The following KLRG2 variants were observed in gnomAD, a reference collection of about 807,000 sequenced individuals.
KLRG2 encodes the protein killer cell lectin like receptor G2.
A neutral mutation model predicts 35.4 loss-of-function variants in KLRG2; 39 were observed. That is an observed-to-expected ratio of 1.10 (90% CI 0.85 to 1.44). KLRG2 has a LOEUF of 1.44. Among genes scored for constraint, KLRG2 ranks in the 40% most tolerant of loss-of-function variants. The pLI is 0.00. For missense variants in KLRG2, 632 were observed against 570.9 expected (o/e 1.11, Z -1.09); for synonymous variants, 283 against 265.8 (o/e 1.06, Z -0.63).
chr7:139,466,749 A>ATAAATAAAT (rs1180940220), intron 3 of KLRG2, among the ~76,000 whole-genome samples: 10 of 147,774 alleles, frequency 6.8e-5, no homozygotes, highest in African/African-American at 2.3e-4. Context: ...ATAAAATAAA[A>ATAAATAAAT]AAAATAAAAA....
Position 139,483,548 on chromosome 7 carries a change from G to A in KLRG2, c.95C>T (p.Pro32Leu). 1 of 1,598,562 alleles carries A rather than the reference G, an allele frequency of 6.3e-7. No homozygotes were observed. ...TTGTCGCACCTTCGCGGGCACCTGC[G>A]GCTGCTCCAGCGTGGGGACCAGGCT... ...VGSLVPTLEQ[P>L]QVPAKVRQPE... The change falls in exon 1 of 5, where the codon CCG (proline) becomes CTG (leucine). Residue 32 changes from proline to leucine, a missense_variant. Pro to Leu is a moderately conservative substitution (Grantham distance 98). Transcript: ENST00000340940.
chr7:139,431,837 C>G, the KLRG2 span, among the ~76,000 whole-genome samples: 2 of 152,034 alleles, frequency 1.3e-5, no homozygotes, highest in Admixed American at 6.6e-5. Context: ...GGTTGAAACT[C>G]ATGAGAATTT....
At chr7:139,433,316 TTTTTTG>T in the KLRG2 span, among the ~76,000 whole-genome samples, 3,442 of 151,832 alleles carry the variant, frequency 0.023, 143 homozygotes, top group African/African-American at 0.078. Context: ...GTGTGGTTTT[TTTTTTG>T]TTTGTTTGTT....
At chr7:139,455,816 T>C (rs939929127) in intron 3 of KLRG2, among the ~76,000 whole-genome samples, 93 of 151,556 alleles carry the variant, frequency 6.1e-4, no homozygotes, top group African/African-American at 2.2e-3. Context: ...TCCAAGAATA[T>C]AAAGGGAAAA....
chr7:139,446,343 T>C, the KLRG2 span, among the ~76,000 whole-genome samples: 1 of 145,232 alleles, frequency 6.9e-6, no homozygotes, highest in Admixed American at 6.9e-5. Flanking sequence ...AGGGTTTTTT[T>C]TTTTTTTTTT....
At chr7:139,428,539 A>G in the KLRG2 span, among the ~76,000 whole-genome samples, 195 of 152,274 alleles carry the variant, frequency 1.3e-3, no homozygotes, top group African/African-American at 4.5e-3. Context: ...GAGTATAGGT[A>G]TGAGCTACCC....
chr7:139,471,548 C>A (rs1461830949), intron 3 of KLRG2, among the ~76,000 whole-genome samples: 1 of 152,080 alleles, frequency 6.6e-6, no homozygotes, highest in African/African-American at 2.4e-5. Flanking sequence ...GTAACCCCAG[C>A]TACTCGGAAG....
At chr7:139,445,428 G>A in the KLRG2 span, among the ~76,000 whole-genome samples, 7 of 152,002 alleles carry the variant, frequency 4.6e-5, no homozygotes, top group African/African-American at 1.5e-4. Context: ...TCCTGTCCTC[G>A]CGGAGCTTAC....
At chr7:139,468,762 C>A (rs766803902) in intron 3 of KLRG2, among the ~76,000 whole-genome samples, 2 of 152,202 alleles carry the variant, frequency 1.3e-5, no homozygotes, top group Admixed American at 1.3e-4. Flanking sequence ...GGGATGAATT[C>A]TGTCACCCTA....
At chr7:139,448,360 G>C (rs1376262054), downstream of KLRG2, among the ~76,000 whole-genome samples, 1 of 152,156 alleles carries the variant, frequency 6.6e-6, no homozygotes, top group African/African-American at 2.4e-5. Context: ...CAGTCAGTCT[G>C]TTTGTATGCC....
chr7:139,455,322 T>A (rs1002708430), intron 3 of KLRG2, among the ~76,000 whole-genome samples: 65 of 132,630 alleles, frequency 4.9e-4, no homozygotes, highest in African/African-American at 1.8e-3. Context: ...CCGGCCAAGA[T>A]TTTTTTTTTT....
chr7:139,435,898 G>A, the KLRG2 span, among the ~76,000 whole-genome samples: 3 of 138,530 alleles, frequency 2.2e-5, no homozygotes, highest in African/African-American at 9.4e-5. Flanking sequence ...CTTATATAGG[G>A]CCTGTAATTT....
intron 3 of KLRG2, among the ~76,000 whole-genome samples, chr7:139,465,029 C>G (rs922838663): frequency 2.5e-4 from 38 of 152,318 alleles, no homozygotes; most frequent in African/African-American, 8.9e-4. Flanking sequence ...ACTCCAATTC[C>G]CCATATTTCC....
chr7:139,440,411 CTT>C, the KLRG2 span, among the ~76,000 whole-genome samples: 4 of 40,508 alleles, frequency 9.9e-5, no homozygotes, highest in Admixed American at 2.6e-4. Flanking sequence ...CCACACCTGG[CTT>C]TTTTTTTTTT....
rs780319764 is a variant in KLRG2 at position 139,483,540 on chromosome 7, G to A, written c.103C>T (p.Pro35Ser). ...LVPTLEQPQV[P>S]AKVRQPEGPE... ...CCTTCAGGTTGTCGCACCTTCGCGG[G>A]CACCTGCGGCTGCTCCAGCGTGGGG... is the stretch of plus-strand genomic sequence containing the variant. The change falls in exon 1 of 5, where the codon CCC (proline) becomes TCC (serine). Residue 35 changes from proline to serine, a missense_variant. Physicochemically the swap from Pro to Ser is moderately conservative, Grantham distance 74. Coordinates refer to ENST00000340940, the MANE Select transcript of KLRG2 (RefSeq NM_198508.4). 6.3e-7 allele frequency: 1 copy of A among 1,598,742 alleles called. No individual in the cohort carries two copies. Among genetic ancestry groups the A allele is most frequent in the African/African-American group, 1.3e-5 (1 of 74,566 alleles).
rs1267074296 is a variant in KLRG2, at chr7:139,479,651, G to A, written c.981C>T (p.Thr327=). 11 of 1,613,328 alleles carry A rather than the reference G, an allele frequency of 6.8e-6. No individual in the cohort carries two copies. The Admixed American group carries it at 8.3e-5, about 12-fold the overall frequency. ...CCTGGGTGTGGCTTAGCAGGGGGAG[G>A]GTAGCGTGGTAGGCTGAGCAGAAAG... is the stretch of plus-strand genomic sequence containing the variant. ...SQAFCSAYHA[T]LPLLSHTQDF... Residue 327 remains threonine, a synonymous_variant, in exon 3 of 5, where the codon ACC becomes ACT. Coordinates refer to ENST00000340940, the MANE Select transcript of KLRG2 (RefSeq NM_198508.4).
At chr7:139,460,151 G>A (rs1332262690) in intron 3 of KLRG2, among the ~76,000 whole-genome samples, 2 of 152,186 alleles carry the variant, frequency 1.3e-5, no homozygotes, top group Non-Finnish European at 2.9e-5. Flanking sequence ...CCCCCAAAGT[G>A]TTGGGATTAC....
the KLRG2 span, among the ~76,000 whole-genome samples, chr7:139,440,196 G>A: frequency 4.6e-5 from 7 of 152,010 alleles, no homozygotes; most frequent in African/African-American, 9.7e-5. Context: ...TGCAGCCTCC[G>A]TCTCCCAGGT....
chr7:139,428,993 G>A, the KLRG2 span, among the ~76,000 whole-genome samples: 2 of 152,168 alleles, frequency 1.3e-5, no homozygotes, highest in Non-Finnish European at 2.9e-5. Flanking sequence ...CACAAAGTTA[G>A]GGGGAGGAAC....
Sources: allele counts gnomAD v4.1 joint callset (sites outside exome capture counted in the v4.1 genomes callset), GRCh38; gene constraint gnomAD v4.1.1; transcripts MANE v1.5; gene names NCBI Gene and HGNC (gene_info 2026-07-23, HGNC 2026-07-21).